ITSN1: variants seen among roughly 807,000 people sequenced by gnomAD.
ITSN1 encodes intersectin-1.
A neutral mutation model predicts 239.8 loss-of-function variants in ITSN1; 58 were observed. That is an observed-to-expected ratio of 0.24 (90% CI 0.20 to 0.30). The LOEUF (loss-of-function observed/expected upper bound fraction) is 0.30, where lower values mean the gene tolerates loss of function less well. ITSN1 is among the 10% of genes least tolerant of loss of function. The pLI, the probability that ITSN1 is intolerant of heterozygous loss-of-function variation, is 1.00. For synonymous variants in ITSN1, 780 were observed against 770.8 expected (o/e 1.01, Z -0.20); for missense variants, 1,558 against 2,103.3 (o/e 0.74, Z 5.07).
intron 33 of ITSN1, among the ~76,000 whole-genome samples, chr21:33,868,265 C>CCCACA (rs1461715532): frequency 3.9e-5 from 6 of 152,256 alleles, no homozygotes; most frequent in Non-Finnish European, 7.3e-5. Flanking sequence ...CCCAGTGGAT[C>CCCACA]CCACACCGGG....
chr21:33,732,991 G>A (rs1291693732), intron 4 of ITSN1, among the ~76,000 whole-genome samples: 1 of 152,164 alleles, frequency 6.6e-6, no homozygotes, highest in Non-Finnish European at 1.5e-5. Context: ...AAAAGCAATT[G>A]TGGTTTAATC....
At chr21:33,795,193 G>A (rs1454676167) in intron 17 of ITSN1, among the ~76,000 whole-genome samples, 2 of 152,218 alleles carry the variant, frequency 1.3e-5, no homozygotes, top group Non-Finnish European at 2.9e-5. Context: ...GCTCACACCT[G>A]TAATCCCAGC....
At chr21:33,835,798 G>A (rs563764695) in intron 28 of ITSN1, among the ~76,000 whole-genome samples, 4 of 152,320 alleles carry the variant, frequency 2.6e-5, no homozygotes, top group Admixed American at 2.6e-4. Flanking sequence ...AGGCGTAGTG[G>A]TGCATGCCTG....
intron 1 of ITSN1, among the ~76,000 whole-genome samples, chr21:33,702,452 T>C (rs2092068129): frequency 6.6e-6 from 1 of 152,092 alleles, no homozygotes; most frequent in Non-Finnish European, 1.5e-5. Context: ...TTCAGGAAAG[T>C]TGAAAGAACA....
Position 33,680,649 on chromosome 21 carries a change from A to G in ITSN1, c.-33+37936A>G, listed in dbSNP as rs1297328707. Among the ~76,000 whole-genome samples the G allele has an allele frequency of 1.9e-4, 28 of 150,796 alleles. No homozygotes were observed. In the Admixed American group the frequency reaches 1.9e-3, roughly 10 times the overall value. On this transcript the variant is annotated intron_variant, in intron 1 of 39. Coordinates refer to ENST00000381318, the MANE Select transcript of ITSN1 (RefSeq NM_003024.3). ...CGTGGCCTGGTGCCATACTTTCTGC[A>G]TTTTTCTTTAAGGAAGGTTCCAAAT...
chr21:33,862,292 GA>G (rs151252118), intron 31 of ITSN1, among the ~76,000 whole-genome samples: 9,297 of 145,498 alleles, frequency 0.064, 386 homozygotes, highest in African/African-American at 0.13. Flanking sequence ...AAAAAGAAAA[GA>G]AAAAAAAAAT....
intron 1 of ITSN1, among the ~76,000 whole-genome samples, chr21:33,649,521 T>C (rs946387670): frequency 6.6e-6 from 1 of 152,166 alleles, no homozygotes; most frequent in African/African-American, 2.4e-5. Context: ...GGTGAAATTG[T>C]TTTGGCTTCA....
At chr21:33,756,481 C>CT (rs761748205) in intron 8 of ITSN1, among the ~76,000 whole-genome samples, 2 of 151,930 alleles carry the variant, frequency 1.3e-5, no homozygotes, top group East Asian at 3.9e-4. Flanking sequence ...ATCCAAAACA[C>CT]TTTTAAGAAA....
At chr21:33,879,956 A>C (rs887516235) in intron 34 of ITSN1, among the ~76,000 whole-genome samples, 2 of 152,242 alleles carry the variant, frequency 1.3e-5, no homozygotes, top group African/African-American at 4.8e-5. Flanking sequence ...TTGGGATTAC[A>C]GGTGTGATCC....
intron 4 of ITSN1, among the ~76,000 whole-genome samples, chr21:33,725,798 T>A (rs2065799302): frequency 6.6e-6 from 1 of 152,218 alleles, no homozygotes; most frequent in African/African-American, 2.4e-5. Flanking sequence ...GTAACTCTCT[T>A]TTCCCAAAAG....
chr21:33,740,429 G>T (rs1222066015), intron 5 of ITSN1, among the ~76,000 whole-genome samples: 1 of 152,220 alleles, frequency 6.6e-6, no homozygotes, highest in Non-Finnish European at 1.5e-5. Flanking sequence ...CAGAAGATTG[G>T]TGTCCTGCTA....
At chr21:33,780,828 A>ACTTGC (rs1364481299) in intron 14 of ITSN1, among the ~76,000 whole-genome samples, 1 of 152,248 alleles carries the variant, frequency 6.6e-6, no homozygotes, top group Admixed American at 6.5e-5. Context: ...CAAGTTAACC[A>ACTTGC]CAAAAATTCC....
Position 33,889,275 on chromosome 21 carries a change from C to T in ITSN1, c.*975C>T, listed in dbSNP as rs1986192895. ...CAACAGCTCTTTTTGGTACGTTCCCCAAAAAGCCATGTCCTAGATCCCCAA... is the reference window on the plus strand; with the variant it reads ...CAACAGCTCTTTTTGGTACGTTCCCTAAAAAGCCATGTCCTAGATCCCCAA... On this transcript the variant is annotated 3_prime_UTR_variant, in exon 40 of 40. Coordinates refer to ENST00000381318, the MANE Select transcript of ITSN1 (RefSeq NM_003024.3). The T allele has an allele frequency of 6.6e-6, 1 of 151,920 alleles. No individual in the cohort carries two copies. Among genetic ancestry groups the T allele is most frequent in the African/African-American group, 2.4e-5 (1 of 41,352 alleles). 9.4% of individuals were successfully genotyped at this position (151,920 alleles called of 1,614,324 possible).
At position 33,662,296 on chromosome 21, in the gene ITSN1, T is replaced by C. The variant is rs141512535; in HGVS notation, c.-33+19583T>C. On this transcript the variant is annotated intron_variant, in intron 1 of 39. Transcript: ENST00000381318. ...CCCTTTGATTTCCAGCACTGAACTT[T>C]TGGCTCTACCTCTTTCCATCTATTT... Among the ~76,000 whole-genome samples, 1,124 of 152,330 alleles carry C rather than the reference T, an allele frequency of 7.4e-3. 14 individuals carry two copies. Among genetic ancestry groups the C allele is most frequent in the African/African-American group, 0.026 (1,084 of 41,560 alleles).
chr21:33,835,229 C>T (rs1448708377), intron 28 of ITSN1, among the ~76,000 whole-genome samples: 3 of 152,090 alleles, frequency 2.0e-5, no homozygotes, highest in Admixed American at 6.5e-5. Context: ...TGTGATGAGC[C>T]GCAGTCCCCA....
intron 16 of ITSN1, among the ~76,000 whole-genome samples, chr21:33,791,894 C>G (rs2071163351): frequency 6.6e-6 from 1 of 152,128 alleles, no homozygotes; most frequent in Non-Finnish European, 1.5e-5. Flanking sequence ...TCCTGAACAT[C>G]AAGCTGAAAT....
Position 33,888,935 on chromosome 21 carries a change from CT to C in ITSN1, c.*636del, listed in dbSNP as rs1986159434. The C allele has an allele frequency of 6.6e-6, 1 of 152,234 alleles. No homozygotes were observed. The highest frequency in any genetic ancestry group is 1.5e-5 in the Non-Finnish European group (1 of 68,082). The allele number at this position is 152,234 out of a possible 1,614,324, so 9.4% of individuals were successfully genotyped here. A position where few individuals can be genotyped will look rare whatever the true frequency, so the allele number is the denominator to read the frequency against. The stretch of plus-strand genomic sequence containing the variant: ...GCACCGTTATAGCCGTTCCTTCCCC[CT>C]CTAGGCCTTGTATTAATATATGTCA... On this transcript the variant is annotated 3_prime_UTR_variant, in exon 40 of 40. Transcript: ENST00000381318.
chr21:33,704,099 T>C (rs573999048), intron 1 of ITSN1, among the ~76,000 whole-genome samples: 69 of 152,306 alleles, frequency 4.5e-4, no homozygotes, highest in Non-Finnish European at 3.2e-4. Flanking sequence ...TAGAACTGAT[T>C]TCGTTCACTT....
chr21:33,818,544 A>G (rs1307958616), intron 23 of ITSN1, 72 bp downstream of exon 23: 2 of 1,297,144 alleles, frequency 1.5e-6, no homozygotes, highest in Admixed American at 3.4e-5. Flanking sequence ...TGCACTAGTT[A>G]AGATTCACAG....
Sources: allele counts gnomAD v4.1 joint callset (sites outside exome capture counted in the v4.1 genomes callset), GRCh38; gene constraint gnomAD v4.1.1; transcripts MANE v1.5; gene names NCBI Gene and HGNC (gene_info 2026-07-23, HGNC 2026-07-21).